The following DIAPH2 variants were observed in gnomAD, a reference collection of about 807,000 sequenced individuals.
The protein encoded by DIAPH2 is diaphanous related formin 2.
In DIAPH2, 35 loss-of-function variants were observed where a neutral mutation model predicts 92.7. The ratio of observed to expected loss-of-function variants is 0.38; its 90% CI spans 0.29 to 0.50. The LOEUF is 0.50. Among genes scored for constraint, DIAPH2 ranks in the 20% least tolerant of loss-of-function variants. The probability of loss-of-function intolerance (pLI) is 0.94; values close to 1 mark genes in which losing one functional copy is unlikely to be tolerated. For synonymous variants in DIAPH2, 301 were observed against 280.4 expected, an observed-to-expected ratio of 1.07 and a Z score of -0.73; for missense variants, 701 against 819.5, an observed-to-expected ratio of 0.86 and a Z score of 1.77.
intron 22 of DIAPH2, among the ~76,000 whole-genome samples, chrX:97,213,623 A>G (rs2067858771): frequency 8.9e-6 from 1 of 112,202 alleles, no homozygotes; most frequent in Non-Finnish European, 1.9e-5. Context: ...CAAAACCGTA[A>G]CTGTATTAAA....
intron 17 of DIAPH2, among the ~76,000 whole-genome samples, chrX:96,993,335 T>C (rs1468599556): frequency 8.9e-6 from 1 of 112,175 alleles, no homozygotes. Context: ...AGGATGTGTA[T>C]TAGTTCGTTC....
chrX:97,103,404 T>A (rs748251775), intron 20 of DIAPH2, among the ~76,000 whole-genome samples: 1 of 111,197 alleles, frequency 9.0e-6, no homozygotes, highest in South Asian at 3.9e-4. Flanking sequence ...AAGATCAGTC[T>A]CCTTTTTCTC....
intron 5 of DIAPH2, among the ~76,000 whole-genome samples, chrX:96,909,238 A>G (rs1447727344): frequency 8.9e-6 from 1 of 111,770 alleles, no homozygotes; most frequent in Admixed American, 9.5e-5. Context: ...ATTTATGCTT[A>G]CTTCTAGTGT....
intron 1 of DIAPH2, among the ~76,000 whole-genome samples, chrX:96,712,531 T>A (rs1259427890): frequency 9.0e-6 from 1 of 111,101 alleles, no homozygotes; most frequent in African/African-American, 3.3e-5. Context: ...TCTCCTTATT[T>A]CTAAATAATA....
chrX:97,254,443 G>A (rs1169440594), intron 23 of DIAPH2, among the ~76,000 whole-genome samples: 1 of 93,551 alleles, frequency 1.1e-5, no homozygotes, highest in African/African-American at 4.1e-5. Context: ...AGTGAGCTGA[G>A]ATCACACCAT....
intron 22 of DIAPH2, among the ~76,000 whole-genome samples, chrX:97,195,677 A>AG (rs2067696686): frequency 9.1e-6 from 1 of 109,669 alleles, no homozygotes; most frequent in Non-Finnish European, 1.9e-5. Flanking sequence ...AAAAAAAAAA[A>AG]AAGTGGATAG....
chrX:97,059,669 G>A, intron 17 of DIAPH2, among the ~76,000 whole-genome samples: 1 of 112,276 alleles, frequency 8.9e-6, no homozygotes, highest in East Asian at 2.8e-4. Context: ...GTAGGACAGA[G>A]ATGAAAACGT....
chrX:96,857,748 A>G (rs1163539804), intron 4 of DIAPH2, among the ~76,000 whole-genome samples: 1 of 112,638 alleles, frequency 8.9e-6, no homozygotes, highest in African/African-American at 3.2e-5. Flanking sequence ...TTTCAGCGAT[A>G]TAGCTGCATG....
At chrX:97,150,844 A>G (rs147089420) in intron 22 of DIAPH2, among the ~76,000 whole-genome samples, 128 of 111,980 alleles carry the variant, frequency 1.1e-3, no homozygotes, top group African/African-American at 3.8e-3. Flanking sequence ...GACAAAATCT[A>G]TAACACAGTG....
At chrX:97,185,225 A>C (rs1353758608) in intron 22 of DIAPH2, among the ~76,000 whole-genome samples, 1 of 90,812 alleles carries the variant, frequency 1.1e-5, no homozygotes, top group Non-Finnish European at 2.1e-5. Flanking sequence ...GCCTGAACCC[A>C]AGAGACAGAG....
chrX:97,468,435 C>G (rs1471443414), intron 26 of DIAPH2, among the ~76,000 whole-genome samples: 1 of 111,560 alleles, frequency 9.0e-6, no homozygotes, highest in Non-Finnish European at 1.9e-5. Context: ...ACAGAAACTA[C>G]TATATGAATC....
At chrX:97,091,745 G>C (rs1005769362) in intron 19 of DIAPH2, among the ~76,000 whole-genome samples, 1 of 111,819 alleles carries the variant, frequency 8.9e-6, no homozygotes, top group African/African-American at 3.3e-5. Flanking sequence ...TGTTAACTGA[G>C]CTGTAGTCTA....
intron 24 of DIAPH2, among the ~76,000 whole-genome samples, chrX:97,351,746 T>G (rs1447436769): frequency 6.3e-5 from 7 of 110,603 alleles, no homozygotes; most frequent in Non-Finnish European, 1.1e-4. Context: ...GAGCTTGCAG[T>G]GAGCCAAGAT....
At chrX:97,220,565 TG>T in intron 22 of DIAPH2, among the ~76,000 whole-genome samples, 1 of 110,902 alleles carries the variant, frequency 9.0e-6, no homozygotes, top group African/African-American at 3.3e-5. Flanking sequence ...AGAGGGGCCG[TG>T]GTAAAATGGG....
rs753200918 is a variant in DIAPH2, at chrX:97,137,920, C to T, written c.2590-3745C>T. Among the ~76,000 whole-genome samples the T allele has an allele frequency of 1.5e-4, 17 of 112,228 alleles. No individual in the cohort carries two copies. In the South Asian group the frequency reaches 6.3e-3, roughly 42 times the overall value. On this transcript the variant is annotated intron_variant, in intron 21 of 26. Transcript: ENST00000324765. Reference sequence around the variant, plus strand: ...CATCTATGCGGTTAGGTTAAATTAACTGCAGTTGTTTATTTGGAGAACAGG... The same window carrying T: ...CATCTATGCGGTTAGGTTAAATTAATTGCAGTTGTTTATTTGGAGAACAGG...
chrX:96,710,058 T>A (rs1417408254), intron 1 of DIAPH2, among the ~76,000 whole-genome samples: 1 of 111,872 alleles, frequency 8.9e-6, no homozygotes, highest in South Asian at 3.8e-4. Flanking sequence ...GGACATACTT[T>A]CTGGAACATT....
chrX:97,508,122 G>A (rs1379446600), intron 26 of DIAPH2, among the ~76,000 whole-genome samples: 1 of 110,823 alleles, frequency 9.0e-6, no homozygotes, highest in Non-Finnish European at 1.9e-5. Context: ...TTCTTGTACT[G>A]TCCTTTATCT....
intron 3 of DIAPH2, among the ~76,000 whole-genome samples, chrX:96,755,717 C>CA (rs67781827): frequency 0.018 from 1,834 of 102,265 alleles, 17 homozygotes; most frequent in Middle Eastern, 0.059. Flanking sequence ...TTTACTTTAT[C>CA]AAAAAAAAAA....
At chrX:97,383,253 C>T (rs2069567826) in intron 24 of DIAPH2, among the ~76,000 whole-genome samples, 1 of 111,506 alleles carries the variant, frequency 9.0e-6, no homozygotes, top group Non-Finnish European at 1.9e-5. Context: ...TGTGATAATA[C>T]TGTTGATTGT....
Sources: allele counts gnomAD v4.1 joint callset (sites outside exome capture counted in the v4.1 genomes callset), GRCh38; gene constraint gnomAD v4.1.1; transcripts MANE v1.5; gene names NCBI Gene and HGNC (gene_info 2026-07-23, HGNC 2026-07-21).